Variants in TMPRSS6 observed in about 807,000 individuals in gnomAD.
TMPRSS6 encodes transmembrane serine protease 6, also known as transmembrane protease serine 6.
In TMPRSS6, 67 loss-of-function variants were observed where a neutral mutation model predicts 101.5. The observed-to-expected ratio is 0.66, with a 90% CI of 0.54 to 0.81. TMPRSS6 has a LOEUF of 0.81. TMPRSS6 is among the 30% of genes least tolerant of loss of function. The probability of loss-of-function intolerance (pLI) is 0.00; values close to 1 mark genes in which losing one functional copy is unlikely to be tolerated. For missense variants in TMPRSS6, 1,034 were observed against 1,088.7 expected (o/e 0.95, Z 0.71); for synonymous variants, 453 against 464.9 (o/e 0.97, Z 0.33).
In TMPRSS6 at chr22:37,066,071, G is replaced by T. The variant is rs1210700302; in HGVS notation, c.*9C>A. ...GGAGGTGGGCCCTGCTTTGCAGGGGGGCAGTTCCTCAGGTCACCACTTGCT... is the reference window on the plus strand; with the variant it reads ...GGAGGTGGGCCCTGCTTTGCAGGGGTGCAGTTCCTCAGGTCACCACTTGCT... On this transcript the variant is annotated 3_prime_UTR_variant, in exon 18 of 18. Coordinates refer to ENST00000676104, the MANE Select transcript of TMPRSS6 (RefSeq NM_001374504.1). 2.0e-5 allele frequency: 33 copies of T among 1,613,498 alleles called. No individual in the cohort carries two copies. The highest frequency in any genetic ancestry group is 2.8e-5 in the Non-Finnish European group (33 of 1,179,990).
chr22:37,069,444 G>A lies in TMPRSS6; in HGVS notation c.1842-100C>T. On this transcript the variant is annotated intron_variant, in intron 15 of 17. Coordinates refer to ENST00000676104, the MANE Select transcript of TMPRSS6 (RefSeq NM_001374504.1). The surrounding 1 kb of genome is among the most constrained non-coding windows in gnomAD (Gnocchi z 4.8). ...CTCAAGATAGCCAGATCCCCGCCCG[G>A]GACAGTGCCCTCCACACCCAGCCCT... 2 of 1,188,090 alleles carry A rather than the reference G, an allele frequency of 1.7e-6. No individual in the cohort carries two copies. Among genetic ancestry groups the A allele is most frequent in the East Asian group, 2.6e-5 (1 of 39,038 alleles). The allele number at this position is 1,188,090 out of a possible 1,614,324, so 73.6% of individuals were successfully genotyped here. A position where few individuals can be genotyped will look rare whatever the true frequency, so the allele number is the denominator to read the frequency against.
intron 5 of TMPRSS6, 134 bp downstream of exon 5, chr22:37,095,772 C>T: frequency 7.7e-7 from 1 of 1,291,746 alleles, no homozygotes; most frequent in South Asian, 1.2e-5. Context: ...ACTGCTACCT[C>T]ACCTGGGGGG....
rs1371960200 is a variant in TMPRSS6 at position 37,070,645 on chromosome 22, G to A, written c.1680C>T (p.Gly560=). The change falls in exon 15 of 18, where the codon GGC becomes GGT. Residue 560 remains glycine, a synonymous_variant. Coordinates refer to ENST00000676104, the MANE Select transcript of TMPRSS6 (RefSeq NM_001374504.1). ...DGSDEEHCDC[G]LQGPSSRIVG... ...CAATGCGGCTGGAGGGGCCCTGGAG[G>A]CCACAGTCTGGGGATGGGGGCAGGT... The A allele has an allele frequency of 5.6e-6, 9 of 1,612,832 alleles. No homozygotes were observed. The highest frequency in any genetic ancestry group is 1.7e-5 in the Admixed American group (1 of 60,018).
In TMPRSS6 at chr22:37,072,742, C is replaced by CGGAT. The variant is rs556556999; in HGVS notation, c.1555+786_1555+789dup. On this transcript the variant is annotated intron_variant, in intron 13 of 17. Coordinates refer to ENST00000676104, the MANE Select transcript of TMPRSS6 (RefSeq NM_001374504.1). ...GGATGATGGATGGATGGATGATGGA[C>CGGAT]GGATGGATGGATGGATAGATGGATG... Among the ~76,000 whole-genome samples, 2 of 55,622 alleles carry CGGAT rather than the reference C, an allele frequency of 3.6e-5. 1 individual carries two copies. The highest frequency in any genetic ancestry group is 1.4e-3 in the South Asian group (2 of 1,462). The allele number at this position is 55,622 out of a possible 152,430, so 36.5% of individuals were successfully genotyped here.
At chr22:37,084,630 G>A in intron 9 of TMPRSS6, 97 bp downstream of exon 9, 1 of 1,120,586 alleles carries the variant, frequency 8.9e-7, no homozygotes, top group Non-Finnish European at 1.3e-6. Flanking sequence ...GGGCGCTTCA[G>A]CAGAGGCGGG....
rs143819129 is a variant in TMPRSS6 at position 37,103,412 on chromosome 22, G to T, written c.6C>A (p.Pro2=). 3.1e-6 allele frequency: 5 copies of T among 1,614,194 alleles called. No homozygotes were observed. The highest frequency in any genetic ancestry group is 3.3e-5 in the Admixed American group (2 of 60,024). Residue 2 remains proline, a synonymous_variant, in exon 2 of 18, where the codon CCC becomes CCA. Transcript: ENST00000676104. The surrounding 1 kb of genome is among the most constrained non-coding windows in gnomAD (Gnocchi z 4.4). M[P]VAEAPQVAGG... ...CAGCCACCTGGGGGGCCTCGGCCAC[G>T]GGCATCCTGCCAGGGAAACAGACCA...
intron 8 of TMPRSS6, among the ~76,000 whole-genome samples, chr22:37,086,081 G>A (rs1359128835): frequency 1.3e-5 from 2 of 150,726 alleles, no homozygotes; most frequent in East Asian, 3.9e-4. Context: ...GACGGTCAAG[G>A]GGAAGAGGGG....
chr22:37,100,852 A>C (rs1930256872), intron 2 of TMPRSS6, among the ~76,000 whole-genome samples: 1 of 152,236 alleles, frequency 6.6e-6, no homozygotes, highest in Non-Finnish European at 1.5e-5. Flanking sequence ...GCAGGGACAC[A>C]GAAAAAGCAA....
At position 37,101,282 on chromosome 22, in the gene TMPRSS6, C is replaced by G. The variant is rs1366176168; in HGVS notation, c.202+1934G>C. On this transcript the variant is annotated intron_variant, in intron 2 of 17. Transcript: ENST00000676104. The surrounding 1 kb of genome is among the most constrained non-coding windows in gnomAD (Gnocchi z 4.1). The stretch of plus-strand genomic sequence containing the variant: ...TCTTCTAAGCTGTTTTGTTTTCTCA[C>G]TGAAGCAGGAGACAGGGGCAGGCGG... Among the ~76,000 whole-genome samples, 1 of 152,016 alleles carries G rather than the reference C, an allele frequency of 6.6e-6. No homozygotes were observed. The highest frequency in any genetic ancestry group is 1.9e-4 in the East Asian group (1 of 5,196).
chr22:37,079,183 G>A (rs1033740129), intron 10 of TMPRSS6, among the ~76,000 whole-genome samples: 6 of 152,082 alleles, frequency 3.9e-5, no homozygotes, highest in East Asian at 1.9e-4. Context: ...AGTGCCTCCC[G>A]TCCAACAAGT....
intron 6 of TMPRSS6, among the ~76,000 whole-genome samples, chr22:37,092,931 C>G (rs1929400407): frequency 6.6e-6 from 1 of 152,196 alleles, no homozygotes; most frequent in Non-Finnish European, 1.5e-5. Context: ...ACGAACAATT[C>G]CCTCTCTCCA....
chr22:37,066,693 AG>A, intron 17 of TMPRSS6, 132 bp downstream of exon 17: 1 of 1,184,294 alleles, frequency 8.4e-7, no homozygotes, highest in Non-Finnish European at 1.2e-6. Context: ...TCTGTAAAGT[AG>A]GGGTGGCCAT....
intron 6 of TMPRSS6, among the ~76,000 whole-genome samples, chr22:37,092,411 T>C (rs1929348994): frequency 6.6e-6 from 1 of 152,172 alleles, no homozygotes; most frequent in African/African-American, 2.4e-5. Context: ...CATTGCAGCC[T>C]CGACCTCCTG....
rs138392471 is a variant in TMPRSS6 at position 37,091,472 on chromosome 22, AGGAG to A, written c.632-1694_632-1691del. 5.0e-3 allele frequency among the ~76,000 whole-genome samples: 764 copies of A among 152,232 alleles called. 7 individuals are homozygous for A. Among genetic ancestry groups the A allele is most frequent in the African/African-American group, 0.018 (734 of 41,524 alleles). ...GTATATGGGGAGGGAACTGGAGAGAAGGAGGGAGGGGCACTACCCTCCCCACCTA... is the reference window on the plus strand; with the variant it reads ...GTATATGGGGAGGGAACTGGAGAGAAGGAGGGGCACTACCCTCCCCACCTA... On this transcript the variant is annotated intron_variant, in intron 6 of 17. Coordinates refer to ENST00000676104, the MANE Select transcript of TMPRSS6 (RefSeq NM_001374504.1).
At chr22:37,102,944 G>C (rs1930447999) in intron 2 of TMPRSS6, among the ~76,000 whole-genome samples, 1 of 152,062 alleles carries the variant, frequency 6.6e-6, no homozygotes, top group Non-Finnish European at 1.5e-5. Context: ...GGTGCTAGGA[G>C]GGCCCACTTT....
chr22:37,066,026 C>T lies in TMPRSS6; in HGVS notation c.*54G>A, dbSNP rs1926242923. 3.7e-6 allele frequency: 6 copies of T among 1,609,396 alleles called. No homozygotes were observed. Among genetic ancestry groups the T allele is most frequent in the East Asian group, 2.2e-5 (1 of 44,820 alleles). ...TACTTGTCCCCCTGCTTGGCAGTTG[C>T]CCTGGGCTCTCTGAGTCCAGGAGGT... is the stretch of plus-strand genomic sequence containing the variant. On this transcript the variant is annotated 3_prime_UTR_variant, in exon 18 of 18. Transcript: ENST00000676104.
At chr22:37,072,277 A>T (rs1204934238) in intron 13 of TMPRSS6, among the ~76,000 whole-genome samples, 1 of 113,738 alleles carries the variant, frequency 8.8e-6, no homozygotes, top group Non-Finnish European at 1.7e-5. Context: ...GGATGGTTGC[A>T]TGGATGGATG....
chr22:37,067,454 C>T (rs928827958), intron 16 of TMPRSS6, among the ~76,000 whole-genome samples: 6 of 151,908 alleles, frequency 3.9e-5, no homozygotes, highest in African/African-American at 1.5e-4. Context: ...GCAACAAGAG[C>T]GAAACTCTGT....
Position 37,066,170 on chromosome 22 carries a change from G to A in TMPRSS6, c.2319C>T (p.Ser773=), listed in dbSNP as rs73886915. ...TAGGCCGGCCACAGCCCAGGCCCCA[G>A]CTGACCAGCCCCGCCAGGAACCAGC... ...SGRWFLAGLV[S]WGLGCGRPNY... The change falls in exon 18 of 18, where the codon AGC becomes AGT. Residue 773 remains serine (S), a synonymous_variant. Coordinates refer to ENST00000676104, the MANE Select transcript of TMPRSS6 (RefSeq NM_001374504.1). The A allele has an allele frequency of 3.1e-3, 4,936 of 1,613,132 alleles. 114 individuals carry two copies. In the African/African-American group the frequency reaches 0.057, roughly 19 times the overall value.
Sources: gnomAD v4.1 joint callset for allele counts (sites outside exome capture counted in the v4.1 genomes callset) on GRCh38, gnomAD v4.1.1 for gene constraint, Gnocchi (gnomAD v3.1) non-coding constraint, MANE v1.5 for transcripts, NCBI Gene and HGNC (gene_info 2026-07-23, HGNC 2026-07-21) for gene names.